The following MYO16 variants were observed in gnomAD, a reference collection of about 807,000 sequenced individuals.
MYO16 encodes unconventional myosin-XVI.
MYO16 carries 94 observed loss-of-function variants against 205.3 expected under a neutral mutation model. That is an observed-to-expected ratio of 0.46 (90% CI 0.39 to 0.54). The LOEUF is 0.54. Among genes scored for constraint, MYO16 ranks in the 20% least tolerant of loss-of-function variants. MYO16 has a pLI of 0.00. For missense variants in MYO16, 2,315 were observed against 2,387.5 expected (o/e 0.97, Z 0.63); for synonymous variants, 988 against 954.0 (o/e 1.04, Z -0.66).
intron 7 of MYO16, among the ~76,000 whole-genome samples, chr13:108,811,017 G>A (rs1156315374): frequency 2.0e-5 from 3 of 152,046 alleles, no homozygotes; most frequent in Non-Finnish European, 4.4e-5. Context: ...CAACTCTTTC[G>A]TGAGTTGTAC....
At chr13:108,630,381 G>T (rs1205272597) in intron 1 of MYO16, among the ~76,000 whole-genome samples, 1 of 152,136 alleles carries the variant, frequency 6.6e-6, no homozygotes, top group Non-Finnish European at 1.5e-5. Flanking sequence ...TCACCTTGCG[G>T]TGCTTAGGGA....
In MYO16 at chr13:108,843,612, C is replaced by T. The variant is rs528881316; in HGVS notation, c.1098-731C>T. Among the ~76,000 whole-genome samples the T allele has an allele frequency of 1.3e-4, 20 of 152,226 alleles. No individual in the cohort carries two copies. In the East Asian group the frequency reaches 2.7e-3, roughly 21 times the overall value. ...CATAGATTGCACTTGATTAAATACA[C>T]GTGCATTTCTGCTTATAAGGTAACA... On this transcript the variant is annotated intron_variant, in intron 9 of 34. Transcript: ENST00000457511.
At chr13:108,868,942 C>T (rs986206360) in intron 12 of MYO16, among the ~76,000 whole-genome samples, 7 of 151,432 alleles carry the variant, frequency 4.6e-5, no homozygotes, top group Non-Finnish European at 1.0e-4. Context: ...AATCCTTTCT[C>T]TGGGACATTA....
intron 27 of MYO16, among the ~76,000 whole-genome samples, chr13:109,064,478 T>C (rs183160754): frequency 3.9e-5 from 6 of 152,354 alleles, no homozygotes; most frequent in African/African-American, 7.2e-5. Context: ...TCCACCAATA[T>C]GTTCTGTAGA....
At chr13:108,910,805 T>A (rs1286698160) in intron 16 of MYO16, among the ~76,000 whole-genome samples, 2 of 151,900 alleles carry the variant, frequency 1.3e-5, no homozygotes, top group Non-Finnish European at 2.9e-5. Flanking sequence ...TGAAGAGAAG[T>A]TGGTGGGAAA....
chr13:108,835,572 C>G (rs1385242841), intron 9 of MYO16, among the ~76,000 whole-genome samples: 2 of 152,088 alleles, frequency 1.3e-5, no homozygotes, highest in African/African-American at 4.8e-5. Context: ...GAGGCTGGAA[C>G]AGTTTGAAGG....
At chr13:108,702,691 A>G (rs1822680692) in intron 2 of MYO16, among the ~76,000 whole-genome samples, 1 of 152,200 alleles carries the variant, frequency 6.6e-6, no homozygotes, top group South Asian at 2.1e-4. Context: ...TATTTAAAAC[A>G]TAATTACAGA....
the MYO16 span, among the ~76,000 whole-genome samples, chr13:108,500,223 TTTTTTTTTGTTTTTTTTG>T: frequency 0.69 from 18,926 of 27,412 alleles, 7,199 homozygotes; most frequent in East Asian, 0.79. Flanking sequence ...TTTTTTTTGT[TTTTTTTTTGTTTTTTTTG>T]TTTTTTTTTT....
At chr13:108,751,781 AG>A (rs1885247018) in intron 4 of MYO16, among the ~76,000 whole-genome samples, 1 of 152,216 alleles carries the variant, frequency 6.6e-6, no homozygotes, top group African/African-American at 2.4e-5. Context: ...ACTGTAAGAA[AG>A]TGTCATGAAT....
At chr13:109,083,738 A>G (rs1352293459) in intron 27 of MYO16, among the ~76,000 whole-genome samples, 1 of 152,162 alleles carries the variant, frequency 6.6e-6, no homozygotes, top group Non-Finnish European at 1.5e-5. Context: ...GGTTCCTTGT[A>G]AATCTCTCAA....
At chr13:108,533,594 G>A in the MYO16 span, among the ~76,000 whole-genome samples, 3 of 152,180 alleles carry the variant, frequency 2.0e-5, no homozygotes, top group African/African-American at 7.2e-5. Flanking sequence ...TGCTGGGAGT[G>A]CAGTGTCTTT....
intron 32 of MYO16, among the ~76,000 whole-genome samples, chr13:109,160,209 C>T (rs77913852): frequency 0.012 from 1,857 of 152,250 alleles, 30 homozygotes; most frequent in African/African-American, 0.042. Flanking sequence ...CACCTCCTAT[C>T]AAGAGCCATG....
intron 31 of MYO16, among the ~76,000 whole-genome samples, chr13:109,138,524 T>C (rs1210856184): frequency 3.9e-5 from 6 of 152,186 alleles, no homozygotes; most frequent in African/African-American, 1.4e-4. Context: ...ATTTAAGTAG[T>C]TTTGTTCCAT....
chr13:108,581,140 A>ATT, the MYO16 span, among the ~76,000 whole-genome samples: 1 of 137,612 alleles, frequency 7.3e-6, no homozygotes, highest in Non-Finnish European at 1.6e-5. Flanking sequence ...ATTTTAGGAT[A>ATT]TTATTTTTGA....
At chr13:109,040,673 T>C (rs1487998028) in intron 23 of MYO16, among the ~76,000 whole-genome samples, 2 of 152,074 alleles carry the variant, frequency 1.3e-5, no homozygotes, top group Non-Finnish European at 1.5e-5. Context: ...CCAGTCATGA[T>C]AAAAATCAAC....
intron 14 of MYO16, among the ~76,000 whole-genome samples, chr13:108,895,899 C>T (rs371250237): frequency 2.6e-5 from 4 of 152,170 alleles, no homozygotes; most frequent in East Asian, 1.9e-4. Flanking sequence ...CTGTGCCAGA[C>T]GTAAAGCTGA....
chr13:108,821,063 AAG>A (rs150842019), intron 8 of MYO16, among the ~76,000 whole-genome samples: 4,247 of 152,142 alleles, frequency 0.028, 186 homozygotes, highest in African/African-American at 0.094. Context: ...CAATAGTAAA[AAG>A]AGTTCTGAAT....
chr13:108,558,781 C>A, the MYO16 span, among the ~76,000 whole-genome samples: 1 of 152,214 alleles, frequency 6.6e-6, no homozygotes, highest in African/African-American at 2.4e-5. Context: ...TGCAAGAAAA[C>A]AGTTCAAACT....
intron 22 of MYO16, among the ~76,000 whole-genome samples, chr13:109,018,165 T>G (rs1413461899): frequency 6.6e-6 from 1 of 152,186 alleles, no homozygotes; most frequent in Non-Finnish European, 1.5e-5. Context: ...GGATGCCCTT[T>G]TTGTTGATGT....
Sources: gnomAD v4.1 joint callset for allele counts (sites outside exome capture counted in the v4.1 genomes callset) on GRCh38, gnomAD v4.1.1 for gene constraint, MANE v1.5 for transcripts, NCBI Gene and HGNC (gene_info 2026-07-23, HGNC 2026-07-21) for gene names.